BRIP1: variants seen among roughly 807,000 people sequenced by gnomAD.
BRIP1 encodes Fanconi anemia group J protein.
BRIP1 carries 88 observed loss-of-function variants against 119.7 expected under a neutral mutation model. That is an observed-to-expected ratio of 0.74 (90% CI 0.62 to 0.88). BRIP1 has a LOEUF of 0.88. Ranked by LOEUF, BRIP1 falls within the 40% of genes least tolerant of loss-of-function variation. The pLI is 0.00. For missense variants in BRIP1, 1,259 were observed against 1,455.4 expected (o/e 0.87, Z 2.20); for synonymous variants, 443 against 496.5 (o/e 0.89, Z 1.43).
rs1259371143 is a variant in BRIP1 at position 61,740,402 on chromosome 17, A to C, written c.2379+2611T>G. Among the ~76,000 whole-genome samples the C allele has an allele frequency of 6.6e-6, 1 of 152,184 alleles. No homozygotes were observed. Among genetic ancestry groups the C allele is most frequent in the Non-Finnish European group, 1.5e-5 (1 of 68,028 alleles). The stretch of plus-strand genomic sequence containing the variant: ...AAGTCTTTATTTCTATTAAGTTCCC[A>C]GGTGATACGAATGCACCTGGCCCAG... On this transcript the variant is annotated intron_variant, in intron 16 of 19. Coordinates refer to ENST00000259008, the MANE Select transcript of BRIP1 (RefSeq NM_032043.3). This position sits in a 1 kb window ranked among gnomAD's most constrained non-coding sequence, Gnocchi z 5.4.
chr17:61,796,539 A>G lies in BRIP1; in HGVS notation c.1340+2561T>C, dbSNP rs1452717294. On this transcript the variant is annotated intron_variant, in intron 9 of 19. Transcript: ENST00000259008. This position sits in a 1 kb window ranked among gnomAD's most constrained non-coding sequence, Gnocchi z 4.8. ...CTTTCCCTCAGTGCATGTTCGTGGC[A>G]CCTGTGTCAAAAATGAGTTCACTGT... is the stretch of plus-strand genomic sequence containing the variant. Among the ~76,000 whole-genome samples the G allele has an allele frequency of 6.6e-6, 1 of 151,984 alleles. No individual in the cohort carries two copies. Among genetic ancestry groups the G allele is most frequent in the African/African-American group, 2.4e-5 (1 of 41,402 alleles).
intron 10 of BRIP1, among the ~76,000 whole-genome samples, chr17:61,785,861 CA>C (rs2077696810): frequency 6.6e-6 from 1 of 151,998 alleles, no homozygotes; most frequent in African/African-American, 2.4e-5. Context: ...TGAAATCCTA[CA>C]TATTCAATTA....
In BRIP1 at chr17:61,740,978, A is replaced by G. The variant is rs2076979561; in HGVS notation, c.2379+2035T>C. Among the ~76,000 whole-genome samples, 1 of 152,174 alleles carries G rather than the reference A, an allele frequency of 6.6e-6. No individual in the cohort carries two copies. The highest frequency in any genetic ancestry group is 2.4e-5 in the African/African-American group (1 of 41,440). On this transcript the variant is annotated intron_variant, in intron 16 of 19. Transcript: ENST00000259008. This position sits in a 1 kb window ranked among gnomAD's most constrained non-coding sequence, Gnocchi z 5.4. ...ACAATAGATTTCTCTGTGGCATAAG[A>G]TGCTCTTTGATAGCATTTTACCCAA...
At position 61,735,625 on chromosome 17, in the gene BRIP1, C is replaced by T. The variant is rs1037959019; in HGVS notation, c.2379+7388G>A. On this transcript the variant is annotated intron_variant, in intron 16 of 19. Coordinates refer to ENST00000259008, the MANE Select transcript of BRIP1 (RefSeq NM_032043.3). This position sits in a 1 kb window ranked among gnomAD's most constrained non-coding sequence, Gnocchi z 4.4. ...GCAACATAGCAAGATCCTGCCTCTACAAAAAAAAAAAAACCACGTTTAAAA... is the reference window on the plus strand; with the variant it reads ...GCAACATAGCAAGATCCTGCCTCTATAAAAAAAAAAAAACCACGTTTAAAA... Among the ~76,000 whole-genome samples, 3 of 121,984 alleles carry T rather than the reference C, an allele frequency of 2.5e-5. No homozygotes were observed. 80.0% of individuals were successfully genotyped at this position (121,984 alleles called of 152,430 possible). A position where few individuals can be genotyped will look rare whatever the true frequency, so the allele number is the denominator to read the frequency against.
At chr17:61,750,381 A>G (rs2077115757) in intron 14 of BRIP1, among the ~76,000 whole-genome samples, 2 of 152,214 alleles carry the variant, frequency 1.3e-5, no homozygotes, top group Non-Finnish European at 2.9e-5. Flanking sequence ...TTGGTCAAAG[A>G]CATTACTGTA....
At position 61,700,700 on chromosome 17, in the gene BRIP1, C is replaced by T. The variant is rs1014884882; in HGVS notation, c.2493-7188G>A. On this transcript the variant is annotated intron_variant, in intron 17 of 19. Coordinates refer to ENST00000259008, the MANE Select transcript of BRIP1 (RefSeq NM_032043.3). The surrounding 1 kb of genome is among the most constrained non-coding windows in gnomAD (Gnocchi z 4.1). ...ATAAATTAACGTTTTTCATCAAATT[C>T]GGAACGTTTTCAGCCATAATTTCTT... 6.6e-6 allele frequency among the ~76,000 whole-genome samples: 1 copy of T among 152,046 alleles called. No individual in the cohort carries two copies. The highest frequency in any genetic ancestry group is 1.5e-5 in the Non-Finnish European group (1 of 68,014).
rs145504336 is a variant in BRIP1, at chr17:61,780,324, C to T, written c.1872G>A (p.Ser624=). 49 of 1,611,192 alleles carry T rather than the reference C, an allele frequency of 3.0e-5. No homozygotes were observed. The Admixed American group carries it at 6.3e-4, about 21-fold the overall frequency. The part of the protein sequence containing the change: ...SGTLSPMKSF[S]SELGVTFTIQ... ...TAGTAAATGTAACACCAAGTTCTGA[C>T]GAAAAGGATTTCATTGGTGATAATG... is the stretch of plus-strand genomic sequence containing the variant. The change falls in exon 13 of 20, where the codon TCG becomes TCA. Residue 624 remains serine, a synonymous_variant. Transcript: ENST00000259008. This position sits in a 1 kb window ranked among gnomAD's most constrained non-coding sequence, Gnocchi z 5.4.
chr17:61,790,126 G>T (rs2077792947), intron 10 of BRIP1, among the ~76,000 whole-genome samples: 1 of 152,138 alleles, frequency 6.6e-6, no homozygotes, highest in Non-Finnish European at 1.5e-5. Flanking sequence ...CCCCCACATA[G>T]TTGTAACCAG....
chr17:61,766,861 GA>G (rs1461652442), intron 14 of BRIP1, among the ~76,000 whole-genome samples: 1 of 151,860 alleles, frequency 6.6e-6, no homozygotes, highest in Non-Finnish European at 1.5e-5. Flanking sequence ...TGATTTAATA[GA>G]AAAGTTTCTA....
chr17:61,800,825 T>C (rs569066051), intron 8 of BRIP1, among the ~76,000 whole-genome samples: 1 of 152,218 alleles, frequency 6.6e-6, no homozygotes, highest in African/African-American at 2.4e-5. Context: ...TTTTGTCTTA[T>C]GCTGTTAACA....
chr17:61,682,648 TGAG>T lies in BRIP1; in HGVS notation c.*645_*647del, dbSNP rs1215382998. On this transcript the variant is annotated 3_prime_UTR_variant, in exon 20 of 20. Coordinates refer to ENST00000259008, the MANE Select transcript of BRIP1 (RefSeq NM_032043.3). The surrounding 1 kb of genome is among the most constrained non-coding windows in gnomAD (Gnocchi z 4.9). Reference sequence around the variant, plus strand: ...GGTAAAATCTATAGCGAAATATGACTGAGGTGTCACTAGATTAGACTGCTGTTA... The same window carrying T: ...GGTAAAATCTATAGCGAAATATGACTGTGTCACTAGATTAGACTGCTGTTA... 15 of 197,016 alleles carry T rather than the reference TGAG, an allele frequency of 7.6e-5. No homozygotes were observed. The East Asian group carries it at 1.2e-3, about 16-fold the overall frequency. The allele number at this position is 197,016 out of a possible 1,614,324, so 12.2% of individuals were successfully genotyped here. A position where few individuals can be genotyped will look rare whatever the true frequency, so the allele number is the denominator to read the frequency against.
At chr17:61,859,235 AT>A (rs779183248) in intron 3 of BRIP1, among the ~76,000 whole-genome samples, 41 of 145,922 alleles carry the variant, frequency 2.8e-4, no homozygotes, top group East Asian at 1.7e-3. Context: ...ATATTAAAGG[AT>A]TTCCCCCCCC....
chr17:61,754,154 C>A lies in BRIP1; in HGVS notation c.2098-9563G>T, dbSNP rs2077170393. Among the ~76,000 whole-genome samples, 1 of 152,128 alleles carries A rather than the reference C, an allele frequency of 6.6e-6. No individual in the cohort carries two copies. Among genetic ancestry groups the A allele is most frequent in the African/African-American group, 2.4e-5 (1 of 41,448 alleles). On this transcript the variant is annotated intron_variant, in intron 14 of 19. Transcript: ENST00000259008. The surrounding 1 kb of genome is among the most constrained non-coding windows in gnomAD (Gnocchi z 4.1). The stretch of plus-strand genomic sequence containing the variant: ...ATCCTTTTAAAACTAAGTTTAAACC[C>A]TCCAATGGCTTCCTACTGCATTTAG...
At chr17:61,765,414 TA>T (rs1567799050) in intron 14 of BRIP1, among the ~76,000 whole-genome samples, 50 of 16,936 alleles carry the variant, frequency 3.0e-3, no homozygotes, top group Non-Finnish European at 3.7e-3. Context: ...TATATATATA[TA>T]TATATATATT....
In BRIP1 at chr17:61,729,621, A is replaced by G. The variant is rs933917986; in HGVS notation, c.2379+13392T>C. Among the ~76,000 whole-genome samples, 3 of 152,180 alleles carry G rather than the reference A, an allele frequency of 2.0e-5. No homozygotes were observed. Among genetic ancestry groups the G allele is most frequent in the African/African-American group, 4.8e-5 (2 of 41,436 alleles). On this transcript the variant is annotated intron_variant, in intron 16 of 19. Transcript: ENST00000259008. The surrounding 1 kb of genome is among the most constrained non-coding windows in gnomAD (Gnocchi z 5.6). ...GCAGGCCAAAAGACTGTTATAAGAA[A>G]AAGCTATCTACTGTATTTAGTGTAT...
At chr17:61,772,830 A>AAAC (rs940953630) in intron 14 of BRIP1, among the ~76,000 whole-genome samples, 2 of 151,212 alleles carry the variant, frequency 1.3e-5, no homozygotes, top group Non-Finnish European at 2.9e-5. Context: ...GAAAAAAAAA[A>AAAC]AAAAAAAAAA....
At chr17:61,715,359 TA>T (rs1264601934) in intron 17 of BRIP1, among the ~76,000 whole-genome samples, 2 of 152,098 alleles carry the variant, frequency 1.3e-5, no homozygotes. Context: ...CAAATAACAT[TA>T]AAATGAAAAT....
rs1445387085 is a variant in BRIP1, at chr17:61,689,046, A to ATGTTATGTTATGTTATGTT, written c.2576-2882_2576-2881insAACATAACATAACATAACA. Among the ~76,000 whole-genome samples, 1 of 151,628 alleles carries ATGTTATGTTATGTTATGTT rather than the reference A, an allele frequency of 6.6e-6. No individual in the cohort carries two copies. Among genetic ancestry groups the ATGTTATGTTATGTTATGTT allele is most frequent in the East Asian group, 1.9e-4 (1 of 5,162 alleles). ...ATATTCTGTTATGTTATGTTATGTT[A>ATGTTATGTTATGTTATGTT]TGTTATGTTATTTTTTTGAGACAGT... On this transcript the variant is annotated intron_variant, in intron 18 of 19. Transcript: ENST00000259008. This position sits in a 1 kb window ranked among gnomAD's most constrained non-coding sequence, Gnocchi z 4.5.
rs1260085101 is a variant in BRIP1, at chr17:61,701,170, T to C, written c.2493-7658A>G. On this transcript the variant is annotated intron_variant, in intron 17 of 19. Transcript: ENST00000259008. This position sits in a 1 kb window ranked among gnomAD's most constrained non-coding sequence, Gnocchi z 5.1. The stretch of plus-strand genomic sequence containing the variant: ...ATGTCTGGGTTTCCTCAGGGAGAGT[T>C]TCTATTATTTTTTTCTCTTAGTTAT... Among the ~76,000 whole-genome samples the C allele has an allele frequency of 6.6e-6, 1 of 152,164 alleles. No individual in the cohort carries two copies. The highest frequency in any genetic ancestry group is 1.5e-5 in the Non-Finnish European group (1 of 68,028).
Sources: allele counts gnomAD v4.1 joint callset (sites outside exome capture counted in the v4.1 genomes callset), GRCh38; gene constraint gnomAD v4.1.1; non-coding constraint Gnocchi (gnomAD v3.1); transcripts MANE v1.5; gene names NCBI Gene and HGNC (gene_info 2026-07-23, HGNC 2026-07-21).